Variants in AGMO observed in about 807,000 individuals in gnomAD.
The protein encoded by AGMO is alkylglycerol monooxygenase, also known as glyceryl-ether monooxygenase.
In AGMO, 75 loss-of-function variants were observed where a neutral mutation model predicts 60.2. The ratio of observed to expected loss-of-function variants is 1.25; its 90% CI spans 1.03 to 1.51. The LOEUF (loss-of-function observed/expected upper bound fraction) is 1.51. AGMO is among the 40% of genes most tolerant of loss of function. The pLI, the probability that AGMO is intolerant of heterozygous loss-of-function variation, is 0.00. For missense variants in AGMO, 763 were observed against 525.5 expected (o/e 1.45, Z -4.42); for synonymous variants, 261 against 177.1 (o/e 1.47, Z -3.76).
At chr7:15,249,840 A>G (rs1782879878) in intron 12 of AGMO, among the ~76,000 whole-genome samples, 1 of 152,246 alleles carries the variant, frequency 6.6e-6, no homozygotes, top group South Asian at 2.1e-4. Flanking sequence ...GGAAAGAATT[A>G]TGACTTAATA....
chr7:15,543,767 C>G (rs182811377), intron 3 of AGMO, among the ~76,000 whole-genome samples: 1 of 151,772 alleles, frequency 6.6e-6, no homozygotes, highest in East Asian at 2.0e-4. Flanking sequence ...ATAATGATTT[C>G]TTTTCCTCTG....
chr7:15,291,650 G>C, intron 12 of AGMO, among the ~76,000 whole-genome samples: 1 of 152,100 alleles, frequency 6.6e-6, no homozygotes, highest in East Asian at 1.9e-4. Flanking sequence ...TAAGAACCCT[G>C]CTAGGGTTGA....
Position 15,390,749 on chromosome 7 carries a change from C to A in AGMO, c.744G>T (p.Gly248=). 6.2e-7 allele frequency: 1 copy of A among 1,607,432 alleles called. No homozygotes were observed. The highest frequency in any genetic ancestry group is 1.3e-5 in the African/African-American group (1 of 74,842). ...CTTTTTCATTTTCTGCTTCAAATGT[C>A]CCTGGAAGATAAATATAAAGATATG... ...GVLIIWDKIF[G]TFEAENEKVV... The change falls in exon 8 of 13, where the codon GGG becomes GGT. Residue 248 remains glycine (G), a splice_region_variant and synonymous_variant. Transcript: ENST00000342526.
chr7:15,195,214 C>A, the AGMO span, among the ~76,000 whole-genome samples: 6 of 152,122 alleles, frequency 3.9e-5, no homozygotes, highest in Non-Finnish European at 1.5e-5. Flanking sequence ...GGATAGATAC[C>A]TGAGGTTCCT....
rs145986684 is a variant in AGMO at position 15,468,576 on chromosome 7, T to G, written c.410-37468A>C. The stretch of plus-strand genomic sequence containing the variant: ...ATACACACAAATCATATATATATGA[T>G]TTTGTTGTAAATTTGATAAGAACGT... On this transcript the variant is annotated intron_variant, in intron 3 of 12. Coordinates refer to ENST00000342526, the MANE Select transcript of AGMO (RefSeq NM_001004320.2). Among the ~76,000 whole-genome samples the G allele has an allele frequency of 2.8e-3, 424 of 152,168 alleles. 1 individual carries two copies. The highest frequency in any genetic ancestry group is 9.8e-3 in the African/African-American group (407 of 41,550).
the AGMO span, among the ~76,000 whole-genome samples, chr7:15,156,741 C>T: frequency 1.3e-5 from 2 of 152,166 alleles, no homozygotes; most frequent in South Asian, 2.1e-4. Context: ...TGTATCCTCC[C>T]TCTGTCCACT....
Position 15,423,994 on chromosome 7 carries a change from A to T in AGMO, c.514-5341T>A, listed in dbSNP as rs1168723216. Among the ~76,000 whole-genome samples the T allele has an allele frequency of 3.9e-5, 6 of 152,164 alleles. No individual in the cohort carries two copies. The South Asian group carries it at 1.2e-3, about 32-fold the overall frequency. The stretch of plus-strand genomic sequence containing the variant: ...GCCATACATTTTTATTGTTATTCCT[A>T]AAATGTATTATATTTTTCTATAATT... On this transcript the variant is annotated intron_variant, in intron 4 of 12. Transcript: ENST00000342526.
intron 4 of AGMO, among the ~76,000 whole-genome samples, chr7:15,423,172 ATTACT>A (rs530166554): frequency 1.3e-5 from 2 of 152,300 alleles, no homozygotes; most frequent in African/African-American, 4.8e-5. Flanking sequence ...TTATTTTTAC[ATTACT>A]TTAGAGAAAA....
the AGMO span, among the ~76,000 whole-genome samples, chr7:15,127,053 G>T: frequency 6.6e-6 from 1 of 152,076 alleles, no homozygotes; most frequent in Non-Finnish European, 1.5e-5. Flanking sequence ...CAGCCTGGAA[G>T]CCCCCTCACC....
chr7:15,129,493 A>G, the AGMO span, among the ~76,000 whole-genome samples: 2 of 152,144 alleles, frequency 1.3e-5, no homozygotes, highest in Admixed American at 6.6e-5. Flanking sequence ...ATTCTGACCA[A>G]TTTAGTATTT....
intron 3 of AGMO, among the ~76,000 whole-genome samples, chr7:15,531,967 C>T (rs1285817706): frequency 6.6e-6 from 1 of 152,020 alleles, no homozygotes; most frequent in African/African-American, 2.4e-5. Context: ...CCACCCCTGG[C>T]CCAATAGCTT....
the AGMO span, among the ~76,000 whole-genome samples, chr7:15,128,934 G>T: frequency 6.6e-6 from 1 of 152,030 alleles, no homozygotes; most frequent in Non-Finnish European, 1.5e-5. Context: ...GATACTCAAA[G>T]GCAGTCAGGG....
chr7:15,254,424 C>T (rs537113656), intron 12 of AGMO, among the ~76,000 whole-genome samples: 2 of 152,056 alleles, frequency 1.3e-5, no homozygotes, highest in African/African-American at 2.4e-5. Flanking sequence ...TTGATAATAG[C>T]CCTTCTAACT....
intron 12 of AGMO, among the ~76,000 whole-genome samples, chr7:15,301,241 C>A (rs1784552281): frequency 6.6e-6 from 1 of 152,020 alleles, no homozygotes; most frequent in Non-Finnish European, 1.5e-5. Context: ...GAGTTCGAGA[C>A]CAGGCTGGCC....
intron 12 of AGMO, among the ~76,000 whole-genome samples, chr7:15,261,099 T>G (rs2128509567): frequency 6.6e-6 from 1 of 152,048 alleles, no homozygotes; most frequent in East Asian, 1.9e-4. Context: ...AAGTCACACC[T>G]TATAAAACGG....
In AGMO at chr7:15,248,633, A is replaced by G. The variant is rs1292437033; in HGVS notation, c.1264-47274T>C. Among the ~76,000 whole-genome samples, 4 of 152,254 alleles carry G rather than the reference A, an allele frequency of 2.6e-5. No individual in the cohort carries two copies. The East Asian group carries it at 5.8e-4, about 22-fold the overall frequency. ...ATGCCCACAATTAATGACACTTGCTATAAACACTGAACTTGAGAGTGGTGA... is the reference window on the plus strand; with the variant it reads ...ATGCCCACAATTAATGACACTTGCTGTAAACACTGAACTTGAGAGTGGTGA... On this transcript the variant is annotated intron_variant, in intron 12 of 12. Transcript: ENST00000342526.
intron 12 of AGMO, among the ~76,000 whole-genome samples, chr7:15,347,017 C>G (rs1200109505): frequency 6.6e-6 from 1 of 151,894 alleles, no homozygotes; most frequent in Non-Finnish European, 1.5e-5. Flanking sequence ...AAGTTCTCTT[C>G]TATATCCATT....
intron 12 of AGMO, among the ~76,000 whole-genome samples, chr7:15,254,827 G>C (rs1242870313): frequency 1.3e-5 from 2 of 151,772 alleles, no homozygotes; most frequent in East Asian, 1.9e-4. Context: ...AGAATCATAA[G>C]AAACTACTAT....
At chr7:15,276,745 TTTTC>T (rs761518300) in intron 12 of AGMO, among the ~76,000 whole-genome samples, 27 of 152,158 alleles carry the variant, frequency 1.8e-4, no homozygotes, top group Non-Finnish European at 2.4e-4. Flanking sequence ...TAAAATCCTC[TTTTC>T]TTTATTTTGT....
Sources: allele counts gnomAD v4.1 joint callset (sites outside exome capture counted in the v4.1 genomes callset), GRCh38; gene constraint gnomAD v4.1.1; transcripts MANE v1.5; gene names NCBI Gene and HGNC (gene_info 2026-07-23, HGNC 2026-07-21).